SKI: variants seen among roughly 807,000 people sequenced by gnomAD.
The protein encoded by SKI is SKI proto-oncogene.
In SKI, 23 loss-of-function variants were observed where a neutral mutation model predicts 59.3. That is an observed-to-expected ratio of 0.39 (90% CI 0.28 to 0.55). The LOEUF is 0.55. Among genes scored for constraint, SKI ranks in the 20% least tolerant of loss-of-function variants. SKI has a pLI of 0.67. For synonymous variants in SKI, 673 were observed against 488.6 expected (o/e 1.38, Z -4.98); for missense variants, 1,017 against 1,038.9 (o/e 0.98, Z 0.29).
At chr1:2,276,677 C>G (rs1165371591) in intron 1 of SKI, among the ~76,000 whole-genome samples, 2 of 152,364 alleles carry the variant, frequency 1.3e-5, no homozygotes, top group South Asian at 4.1e-4. Flanking sequence ...TGCTTTAGGC[C>G]GTGCACCCCA....
intron 1 of SKI, among the ~76,000 whole-genome samples, chr1:2,287,884 G>A (rs991909060): frequency 1.3e-5 from 2 of 152,218 alleles, no homozygotes; most frequent in Non-Finnish European, 2.9e-5. Flanking sequence ...GCCCCACCCC[G>A]AGCCCTGAGC....
intron 1 of SKI, among the ~76,000 whole-genome samples, chr1:2,298,769 T>C (rs1640350915): frequency 6.6e-6 from 1 of 152,182 alleles, no homozygotes; most frequent in African/African-American, 2.4e-5. Flanking sequence ...GCCCACCAAA[T>C]GGGGCCTTCT....
At chr1:2,278,945 G>A (rs557756128) in intron 1 of SKI, among the ~76,000 whole-genome samples, 1 of 152,336 alleles carries the variant, frequency 6.6e-6, no homozygotes, top group African/African-American at 2.4e-5. Context: ...CTGGGATGCT[G>A]CCGCCTCCTG....
chr1:2,280,269 G>A (rs1639843942), intron 1 of SKI, among the ~76,000 whole-genome samples: 1 of 151,978 alleles, frequency 6.6e-6, no homozygotes, highest in Non-Finnish European at 1.5e-5. Flanking sequence ...CCAGCTACTT[G>A]GGAGGGCGAG....
chr1:2,248,989 C>A (rs1359437922), intron 1 of SKI, among the ~76,000 whole-genome samples: 1 of 152,236 alleles, frequency 6.6e-6, no homozygotes, highest in Non-Finnish European at 1.5e-5. Context: ...GGGACTGTGC[C>A]CACAGCCAGC....
chr1:2,252,899 A>G (rs995199070), intron 1 of SKI, among the ~76,000 whole-genome samples: 4 of 152,134 alleles, frequency 2.6e-5, no homozygotes, highest in African/African-American at 7.2e-5. Context: ...GTTTGAGACC[A>G]GCCTGGATCA....
At chr1:2,252,925 A>G (rs1011930416) in intron 1 of SKI, among the ~76,000 whole-genome samples, 1 of 152,044 alleles carries the variant, frequency 6.6e-6, no homozygotes, top group Non-Finnish European at 1.5e-5. Flanking sequence ...GCAAAACTCC[A>G]TCTCTACTGA....
At chr1:2,292,363 G>T (rs147422954) in intron 1 of SKI, among the ~76,000 whole-genome samples, 3 of 152,164 alleles carry the variant, frequency 2.0e-5, no homozygotes, top group Admixed American at 6.5e-5. Flanking sequence ...TAGGGTGACC[G>T]CAGTGGGCTG....
chr1:2,266,224 A>G (rs532371913), intron 1 of SKI, among the ~76,000 whole-genome samples: 4 of 152,108 alleles, frequency 2.6e-5, no homozygotes, highest in Non-Finnish European at 5.9e-5. Context: ...AGCCTGGTGC[A>G]AGCCTCAGGC....
chr1:2,229,838 C>G lies in SKI; in HGVS notation c.969+103C>G. 6.5e-7 allele frequency: 1 copy of G among 1,531,116 alleles called. No homozygotes were observed. The highest frequency in any genetic ancestry group is 8.8e-7 in the Non-Finnish European group (1 of 1,134,290). 94.8% of individuals were successfully genotyped at this position (1,531,116 alleles called of 1,614,324 possible). A position where few individuals can be genotyped will look rare whatever the true frequency, so the allele number is the denominator to read the frequency against. On this transcript the variant is annotated intron_variant, in intron 1 of 6. Transcript: ENST00000378536. The surrounding 1 kb of genome is among the most constrained non-coding windows in gnomAD (Gnocchi z 6.3). ...CCGAAGGCTGGGACCTGTGCTTCTGCCGTGCCCCATGTCTCCAGTCTTCGC... is the reference window on the plus strand; with the variant it reads ...CCGAAGGCTGGGACCTGTGCTTCTGGCGTGCCCCATGTCTCCAGTCTTCGC...
At chr1:2,288,176 G>T (rs890262372) in intron 1 of SKI, among the ~76,000 whole-genome samples, 4 of 152,066 alleles carry the variant, frequency 2.6e-5, no homozygotes, top group Non-Finnish European at 5.9e-5. Context: ...TAGTAGAGAT[G>T]GGGTTTCTCC....
At chr1:2,252,106 T>C (rs1639164510) in intron 1 of SKI, among the ~76,000 whole-genome samples, 1 of 152,090 alleles carries the variant, frequency 6.6e-6, no homozygotes, top group Non-Finnish European at 1.5e-5. Flanking sequence ...CGGTGAGAGA[T>C]CTGAGGAGGA....
At chr1:2,278,496 G>A (rs950908176) in intron 1 of SKI, among the ~76,000 whole-genome samples, 1 of 152,190 alleles carries the variant, frequency 6.6e-6, no homozygotes, top group Non-Finnish European at 1.5e-5. Context: ...GACAGGCTGC[G>A]TGGTGTGCCT....
chr1:2,278,492 C>G (rs954262459), intron 1 of SKI, among the ~76,000 whole-genome samples: 30 of 152,210 alleles, frequency 2.0e-4, no homozygotes, highest in African/African-American at 7.2e-4. Context: ...CAGGGACAGG[C>G]TGCGTGGTGT....
intron 1 of SKI, among the ~76,000 whole-genome samples, chr1:2,264,692 G>A (rs1007956363): frequency 6.6e-5 from 10 of 152,082 alleles, no homozygotes; most frequent in South Asian, 2.1e-4. Flanking sequence ...ATGAGCCACC[G>A]TGCCTGGCCC....
At chr1:2,251,826 T>G (rs1194641529) in intron 1 of SKI, among the ~76,000 whole-genome samples, 1 of 152,194 alleles carries the variant, frequency 6.6e-6, no homozygotes, top group African/African-American at 2.4e-5. Flanking sequence ...AGTCTGGTTG[T>G]TGTTGGCCAG....
intron 1 of SKI, among the ~76,000 whole-genome samples, chr1:2,289,068 A>C (rs1245720414): frequency 1.3e-5 from 2 of 152,124 alleles, no homozygotes; most frequent in Non-Finnish European, 1.5e-5. Context: ...CGGGAAGTGG[A>C]GCTGGGGGAA....
At chr1:2,254,787 A>G (rs375029102) in intron 1 of SKI, among the ~76,000 whole-genome samples, 44 of 152,282 alleles carry the variant, frequency 2.9e-4, no homozygotes, top group East Asian at 2.7e-3. Context: ...AGCACGGGCC[A>G]TTGGCATTTG....
intron 1 of SKI, among the ~76,000 whole-genome samples, chr1:2,279,259 C>T (rs760590792): frequency 2.0e-5 from 3 of 152,354 alleles, no homozygotes; most frequent in African/African-American, 2.4e-5. Context: ...GCCTGCTAGA[C>T]GCCCTGAGGA....
Sources: gnomAD v4.1 joint callset for allele counts (sites outside exome capture counted in the v4.1 genomes callset) on GRCh38, gnomAD v4.1.1 for gene constraint, Gnocchi (gnomAD v3.1) non-coding constraint, MANE v1.5 for transcripts, NCBI Gene and HGNC (gene_info 2026-07-23, HGNC 2026-07-21) for gene names.